Variants in APOL2 observed in about 807,000 individuals in gnomAD.
The protein encoded by APOL2 is apolipoprotein L, 2.
Under a neutral mutation model 7.1 loss-of-function variants are expected in APOL2, and 8 were observed. The ratio of observed to expected loss-of-function variants is 1.12; its 90% CI spans 0.66 to 2.03. The LOEUF is 2.03. Among genes scored for constraint, APOL2 ranks in the 30% most tolerant of loss-of-function variants. The pLI is 0.00. For missense variants in APOL2, 471 were observed against 415.1 expected, an observed-to-expected ratio of 1.13 and a Z score of -1.17; for synonymous variants, 177 against 159.9, an observed-to-expected ratio of 1.11 and a Z score of -0.81.
At chr22:36,229,411 CA>C (rs1444199739) in intron 4 of APOL2, among the ~76,000 whole-genome samples, 11 of 152,322 alleles carry the variant, frequency 7.2e-5, no homozygotes, top group Admixed American at 7.2e-4. Context: ...TAATGTGATT[CA>C]CAGGAATTTT....
chr22:36,227,107 A>G lies in APOL2; in HGVS notation c.*297T>C. 1 of 254,578 alleles carries G rather than the reference A, an allele frequency of 3.9e-6. No homozygotes were observed. The highest frequency in any genetic ancestry group is 8.5e-5 in the East Asian group (1 of 11,730). 15.8% of individuals were successfully genotyped at this position (254,578 alleles called of 1,614,324 possible). A position where few individuals can be genotyped will look rare whatever the true frequency, so the allele number is the denominator to read the frequency against. On this transcript the variant is annotated 3_prime_UTR_variant, in exon 5 of 5. Transcript: ENST00000358502. ...GAGGTGGGCAGATCACGAGGTCAGG[A>G]GATGGAGACCATCGTGGCTAACACA...
At chr22:36,233,860 T>C (rs2015313823) in intron 1 of APOL2, among the ~76,000 whole-genome samples, 1 of 152,208 alleles carries the variant, frequency 6.6e-6, no homozygotes, top group South Asian at 2.1e-4. Context: ...TCATGGTAAA[T>C]GACTCCTCAT....
chr22:36,239,554 G>T (rs1217491636), upstream of APOL2: 13 of 1,548,040 alleles, frequency 8.4e-6, no homozygotes, highest in Non-Finnish European at 1.1e-5. Flanking sequence ...CGGCCTCCCA[G>T]ATATACCCTG....
intron 3 of APOL2, among the ~76,000 whole-genome samples, chr22:36,232,480 G>A (rs1390815673): frequency 6.6e-6 from 1 of 152,220 alleles, no homozygotes; most frequent in East Asian, 1.9e-4. Flanking sequence ...TCTTAGGGAG[G>A]CCCTACTGTG....
In APOL2 at chr22:36,239,446, G is replaced by C; in HGVS notation, c.-139C>G. 6.6e-7 allele frequency: 1 copy of C among 1,521,292 alleles called. No individual in the cohort carries two copies. Among genetic ancestry groups the C allele is most frequent in the Non-Finnish European group, 8.7e-7 (1 of 1,154,234 alleles). 94.2% of individuals were successfully genotyped at this position (1,521,292 alleles called of 1,614,324 possible). On this transcript the variant is annotated 5_prime_UTR_variant, in exon 1 of 5. The change creates a new upstream start codon in the 5' untranslated region. Transcript: ENST00000358502. ...TCACACTATCCCCAACTTACCAAGG[G>C]ATCTTCCTCTGACAGAGACTGAGCA...
chr22:36,237,042 C>T (rs746490525), intron 1 of APOL2: 7 of 1,460,324 alleles, frequency 4.8e-6, no homozygotes, highest in Middle Eastern at 1.8e-4. Flanking sequence ...GGAGGGCAGA[C>T]AGAGCTGGGG....
chr22:36,231,438 A>C lies in APOL2; in HGVS notation c.39T>G (p.Leu13=). The change falls in exon 4 of 5, where the codon CTT becomes CTG. Residue 13 remains leucine, a synonymous_variant. Coordinates refer to ENST00000358502, the MANE Select transcript of APOL2 (RefSeq NM_030882.4). ...PESSIFIEDY[L]KYFQDQVSRE... ...TGCTCACTTGGTCCTGGAAATACTT[A>C]AGGTAATCCTCAATAAAGATACTGC... is the stretch of plus-strand genomic sequence containing the variant. 6.2e-7 allele frequency: 1 copy of C among 1,613,908 alleles called. No homozygotes were observed. Among genetic ancestry groups the C allele is most frequent in the South Asian group, 1.1e-5 (1 of 91,074 alleles).
intron 3 of APOL2, among the ~76,000 whole-genome samples, chr22:36,232,637 A>G (rs1362511560): frequency 2.0e-5 from 3 of 152,166 alleles, no homozygotes; most frequent in South Asian, 2.1e-4. Context: ...ACCGGGGTCC[A>G]TTTAAGTTGG....
At chr22:36,236,533 A>C in intron 1 of APOL2, 2 of 978,888 alleles carry the variant, frequency 2.0e-6, no homozygotes, top group Non-Finnish European at 2.4e-6. Context: ...TAATAATGAT[A>C]ATACCGATTC....
chr22:36,237,161 G>C (rs2015434871), intron 1 of APOL2: 1 of 1,513,762 alleles, frequency 6.6e-7, no homozygotes, highest in Non-Finnish European at 8.8e-7. Flanking sequence ...GGGGGTTGAG[G>C]CTGGATACTG....
chr22:36,237,072 T>G, intron 1 of APOL2: 1 of 1,527,050 alleles, frequency 6.5e-7, no homozygotes, highest in Non-Finnish European at 8.8e-7. Flanking sequence ...TGCCCAATAC[T>G]TGTGAGGAGC....
chr22:36,228,288 A>C lies in APOL2; in HGVS notation c.138-8T>G, dbSNP rs781621736. ...AGCTCATCTGCCTCATCCCTGCACA[A>C]GGAAAGGTTAAAGGATTAAGAAATG... On this transcript the variant is annotated splice_polypyrimidine_tract_variant and splice_region_variant and intron_variant, in intron 4 of 4. Transcript: ENST00000358502. 7 of 1,609,154 alleles carry C rather than the reference A, an allele frequency of 4.4e-6. No homozygotes were observed. The highest frequency in any genetic ancestry group is 5.9e-6 in the Non-Finnish European group (7 of 1,177,666).
chr22:36,228,286 C>G lies in APOL2; in HGVS notation c.138-6G>C. 1.2e-6 allele frequency: 2 copies of G among 1,609,892 alleles called. No individual in the cohort carries two copies. The highest frequency in any genetic ancestry group is 8.5e-7 in the Non-Finnish European group (1 of 1,177,994). On this transcript the variant is annotated splice_polypyrimidine_tract_variant and splice_region_variant and intron_variant, in intron 4 of 4. Coordinates refer to ENST00000358502, the MANE Select transcript of APOL2 (RefSeq NM_030882.4). The stretch of plus-strand genomic sequence containing the variant: ...GGAGCTCATCTGCCTCATCCCTGCA[C>G]AAGGAAAGGTTAAAGGATTAAGAAA...
At chr22:36,234,553 AC>A (rs2015337656) in intron 1 of APOL2, among the ~76,000 whole-genome samples, 2 of 152,182 alleles carry the variant, frequency 1.3e-5, no homozygotes, top group Admixed American at 1.3e-4. Flanking sequence ...TGATTATCTT[AC>A]CCTGGGAGGT....
Position 36,227,480 on chromosome 22 carries a change from C to T in APOL2, c.938G>A (p.Arg313Gln), listed in dbSNP as rs747303739. 2.3e-5 allele frequency: 37 copies of T among 1,614,162 alleles called. No individual in the cohort carries two copies. The highest frequency in any genetic ancestry group is 1.2e-4 in the South Asian group (11 of 91,086). The change falls in exon 5 of 5, where the codon CGG becomes CAG. Residue 313 changes from arginine to glutamine, a missense_variant. Transcript: ENST00000358502. ...GAGCTTCCCCTCCAGCTCCTGAGCCCGCTTCTTCAGCTCCTCAGCTGACTC... is the reference window on the plus strand; with the variant it reads ...GAGCTTCCCCTCCAGCTCCTGAGCCTGCTTCTTCAGCTCCTCAGCTGACTC... ...KSESAEELKKRAQELEGKLNF... is the reference protein window; with the variant it reads ...KSESAEELKKQAQELEGKLNF...
In APOL2 at chr22:36,227,526, A is replaced by G. The variant is rs1264992885; in HGVS notation, c.892T>C (p.Leu298=). 6 of 1,614,156 alleles carry G rather than the reference A, an allele frequency of 3.7e-6. No homozygotes were observed. In the South Asian group the frequency reaches 6.6e-5, roughly 18 times the overall value. Residue 298 remains leucine (L), a synonymous_variant, in exon 5 of 5, where the codon TTG becomes CTG. Transcript: ENST00000358502. ...GACTCTGACTTTGCCCCCTCAAGCA[A>G]GTGCTTTGACTCATATGCAAGGCTG... The part of the protein sequence containing the change: ...VVSLAYESKH[L]LEGAKSESAE...
rs753984816 is a variant in APOL2, at chr22:36,228,068, T to C, written c.350A>G (p.Asn117Ser). 5.0e-6 allele frequency: 8 copies of C among 1,614,208 alleles called. No individual in the cohort carries two copies. In the South Asian group the frequency reaches 8.8e-5, roughly 18 times the overall value. Residue 117 changes from asparagine to serine, a missense_variant, in exon 5 of 5, where the codon AAT becomes AGT. Asn to Ser is a conservative substitution (Grantham distance 46). Coordinates refer to ENST00000358502, the MANE Select transcript of APOL2 (RefSeq NM_030882.4). Reference protein sequence around the residue: ...EQVHRGTTIANVVSNSVGTTS... With the variant: ...EQVHRGTTIASVVSNSVGTTS... ...AGTGCCAACAGAGTTGGACACCACA[T>C]TGGCAATGGTGGTGCCTCTGTGGAC...
intron 1 of APOL2, chr22:36,236,897 G>T: frequency 1.5e-6 from 2 of 1,297,658 alleles, no homozygotes; most frequent in South Asian, 2.4e-5. Flanking sequence ...GTAAGGGACG[G>T]GGTGACGGGA....
chr22:36,227,147 C>T lies in APOL2; in HGVS notation c.*257G>A. ...TGGCTAACACAGTGAAACCCCGTCT[C>T]CAGTGAAAATACAAAAAAATTAGCC... On this transcript the variant is annotated 3_prime_UTR_variant, in exon 5 of 5. Transcript: ENST00000358502. 1 of 361,272 alleles carries T rather than the reference C, an allele frequency of 2.8e-6. No homozygotes were observed. Among genetic ancestry groups the T allele is most frequent in the Admixed American group, 4.4e-5 (1 of 22,716 alleles). The allele number at this position is 361,272 out of a possible 1,614,324, so 22.4% of individuals were successfully genotyped here.
Sources: allele counts gnomAD v4.1 joint callset (sites outside exome capture counted in the v4.1 genomes callset), GRCh38; gene constraint gnomAD v4.1.1; transcripts MANE v1.5; gene names NCBI Gene and HGNC (gene_info 2026-07-23, HGNC 2026-07-21).